NAV2: variants seen among roughly 807,000 people sequenced by gnomAD.
The protein encoded by NAV2 is helicase, APC down-regulated 1.
A neutral mutation model predicts 223.2 loss-of-function variants in NAV2; 54 were observed. That is an observed-to-expected ratio of 0.24 (90% CI 0.19 to 0.30). NAV2 has a LOEUF of 0.30. Among genes scored for constraint, NAV2 ranks in the 10% least tolerant of loss-of-function variants. The pLI is 1.00. For synonymous variants in NAV2, 1,279 were observed against 1,239.3 expected, an observed-to-expected ratio of 1.03 and a Z score of -0.67; for missense variants, 2,806 against 3,147.5, an observed-to-expected ratio of 0.89 and a Z score of 2.60.
At chr11:19,652,887 T>C (rs1156805554) in intron 1 of NAV2, among the ~76,000 whole-genome samples, 1 of 152,256 alleles carries the variant, frequency 6.6e-6, no homozygotes, top group Non-Finnish European at 1.5e-5. Context: ...GCAAAGCATT[T>C]CATAGTTTGC....
chr11:19,774,743 C>T (rs1375279376), intron 1 of NAV2, among the ~76,000 whole-genome samples: 1 of 152,140 alleles, frequency 6.6e-6, no homozygotes, highest in Non-Finnish European at 1.5e-5. Flanking sequence ...TACCTATGAC[C>T]TAAGGTGTGT....
chr11:19,762,611 C>CTTTTTTTTTTTTTTTTTTTTTTTTTTTTT (rs35264238), intron 1 of NAV2, among the ~76,000 whole-genome samples: 1 of 109,542 alleles, frequency 9.1e-6, no homozygotes, highest in Non-Finnish European at 1.8e-5. Context: ...GAGAAGTCTT[C>CTTTTTTTTTTTTTTTTTTTTTTTTTTTTT]TTTTTTTTTT....
intron 1 of NAV2, among the ~76,000 whole-genome samples, chr11:19,666,224 G>C (rs568420486): frequency 6.6e-6 from 1 of 152,208 alleles, no homozygotes; most frequent in Non-Finnish European, 1.5e-5. Flanking sequence ...AATATTTAAT[G>C]TAGTTTCTTC....
intron 4 of NAV2, among the ~76,000 whole-genome samples, chr11:19,874,983 C>T (rs966924606): frequency 7.2e-5 from 11 of 152,136 alleles, no homozygotes; most frequent in African/African-American, 2.4e-4. Context: ...GTGGTGAAAT[C>T]CCATCTCTAC....
chr11:19,513,479 C>T (rs1023737371), intron 1 of NAV2, among the ~76,000 whole-genome samples: 1 of 152,140 alleles, frequency 6.6e-6, no homozygotes, highest in South Asian at 2.1e-4. Flanking sequence ...GTGGAGGGGA[C>T]AGAGTGGTGT....
intron 6 of NAV2, among the ~76,000 whole-genome samples, chr11:19,914,344 T>TGTATCTTTGCCTAGTCTG (rs2043591256): frequency 6.6e-6 from 1 of 152,204 alleles, no homozygotes. Flanking sequence ...TCTGCCGAAA[T>TGTATCTTTGCCTAGTCTG]ACTTGCACTT....
intron 1 of NAV2, among the ~76,000 whole-genome samples, chr11:19,782,644 T>A (rs1364853842): frequency 6.6e-6 from 1 of 151,960 alleles, no homozygotes; most frequent in African/African-American, 2.4e-5. Context: ...GCCATTGTCT[T>A]TCCAGCTGCC....
At chr11:19,751,194 G>T (rs2053781807) in intron 1 of NAV2, among the ~76,000 whole-genome samples, 1 of 152,148 alleles carries the variant, frequency 6.6e-6, no homozygotes, top group Admixed American at 6.5e-5. Context: ...TTACATATTA[G>T]CTAAGCAGCT....
At chr11:19,685,643 T>C (rs2049002347) in intron 1 of NAV2, among the ~76,000 whole-genome samples, 1 of 152,190 alleles carries the variant, frequency 6.6e-6, no homozygotes, top group South Asian at 2.1e-4. Context: ...GAAACAGCCG[T>C]ATGATGATTG....
intron 11 of NAV2, chr11:20,027,727 T>C (rs1301068698): frequency 6.6e-6 from 1 of 152,292 alleles, no homozygotes; most frequent in Non-Finnish European, 1.5e-5. Flanking sequence ...CTAATATATA[T>C]CTACAATCTG....
chr11:19,986,986 G>A (rs7130917), intron 11 of NAV2, among the ~76,000 whole-genome samples: 26,024 of 152,178 alleles, frequency 0.17, 2,940 homozygotes, highest in African/African-American at 0.33. Flanking sequence ...ATAGGAGATA[G>A]TTTTAGATGG....
At chr11:20,078,183 C>A in intron 24 of NAV2, 79 bp downstream of exon 24, 1 of 981,040 alleles carries the variant, frequency 1.0e-6, no homozygotes, top group Non-Finnish European at 1.6e-6. Flanking sequence ...ATGATGCAAC[C>A]TCCTTGCTAG....
At position 20,083,035 on chromosome 11, in the gene NAV2, G is replaced by A. The variant is rs750608172; in HGVS notation, c.5354G>A (p.Gly1785Glu). The change falls in exon 26 of 38, where the codon GGG becomes GAG. Residue 1785 changes from glycine to glutamate, a missense_variant. Physicochemically the swap from Gly to Glu is moderately conservative, Grantham distance 98. Coordinates refer to ENST00000349880, the MANE Select transcript of NAV2 (RefSeq NM_145117.5). ...WLRSSFKQAFGKKKSPKSASS... is the reference protein window; with the variant it reads ...WLRSSFKQAFEKKKSPKSASS... ...CGCAGCTCCTTCAAGCAAGCTTTCGGGAAGAAGAAGTCCCCAAAATCTGCG... is the reference window on the plus strand; with the variant it reads ...CGCAGCTCCTTCAAGCAAGCTTTCGAGAAGAAGAAGTCCCCAAAATCTGCG... 3 of 1,613,858 alleles carry A rather than the reference G, an allele frequency of 1.9e-6. No homozygotes were observed. The highest frequency in any genetic ancestry group is 2.5e-6 in the Non-Finnish European group (3 of 1,179,872).
intron 11 of NAV2, among the ~76,000 whole-genome samples, chr11:19,994,328 C>T (rs1323977326): frequency 6.6e-6 from 1 of 152,130 alleles, no homozygotes; most frequent in East Asian, 1.9e-4. Flanking sequence ...AGACGGATCA[C>T]CTAAGGTCAG....
chr11:19,927,045 G>T (rs183587353), intron 6 of NAV2, among the ~76,000 whole-genome samples: 323 of 152,316 alleles, frequency 2.1e-3, no homozygotes, highest in South Asian at 4.1e-3. Flanking sequence ...GTCAGGGAAG[G>T]TTAAGGCTGG....
chr11:19,583,289 G>C (rs1224217156), intron 1 of NAV2, among the ~76,000 whole-genome samples: 1 of 152,116 alleles, frequency 6.6e-6, no homozygotes, highest in Non-Finnish European at 1.5e-5. Flanking sequence ...TGAGACGATG[G>C]GGTTTTCTAG....
chr11:20,089,092 G>A (rs1022737462), intron 26 of NAV2, among the ~76,000 whole-genome samples: 4 of 152,002 alleles, frequency 2.6e-5, no homozygotes, highest in African/African-American at 9.7e-5. Context: ...AAGAAAGGAT[G>A]TTGCAAATTC....
intron 1 of NAV2, among the ~76,000 whole-genome samples, chr11:19,592,527 C>A (rs1288518589): frequency 6.6e-6 from 1 of 152,068 alleles, no homozygotes; most frequent in Admixed American, 6.5e-5. Flanking sequence ...TTGATGTGGG[C>A]AAAGATTTTT....
intron 36 of NAV2, among the ~76,000 whole-genome samples, chr11:20,110,419 C>T (rs2062522719): frequency 6.6e-6 from 1 of 152,186 alleles, no homozygotes; most frequent in Non-Finnish European, 1.5e-5. Context: ...GGGCCTGCTA[C>T]TTGACAGGCA....
Sources: allele counts gnomAD v4.1 joint callset (sites outside exome capture counted in the v4.1 genomes callset), GRCh38; gene constraint gnomAD v4.1.1; transcripts MANE v1.5; gene names NCBI Gene and HGNC (gene_info 2026-07-23, HGNC 2026-07-21).